Variants in TCP11L2 observed in about 807,000 individuals in gnomAD.
TCP11L2 encodes t-complex 11 like 2, also known as T-complex protein 11-like protein 2.
Under a neutral mutation model 50.7 loss-of-function variants are expected in TCP11L2, and 39 were observed. The ratio of observed to expected loss-of-function variants is 0.77; its 90% CI spans 0.60 to 1.01. TCP11L2 has a LOEUF of 1.01. Among genes scored for constraint, TCP11L2 ranks in the 50% least tolerant of loss-of-function variants. TCP11L2 has a pLI of 0.00. For missense variants in TCP11L2, 612 were observed against 614.7 expected, an observed-to-expected ratio of 1.00 and a Z score of 0.05; for synonymous variants, 192 against 219.3, an observed-to-expected ratio of 0.88 and a Z score of 1.10.
Position 106,335,665 on chromosome 12 carries a change from A to T in TCP11L2, c.799A>T (p.Ile267Leu). Reference sequence around the variant, plus strand: ...TGCTCTTGATCAGACTACAGAATGGATAAAAGAATCTGTAAATGAAGAATT... The same window carrying T: ...TGCTCTTGATCAGACTACAGAATGGTTAAAAGAATCTGTAAATGAAGAATT... ...PSALDQTTEWIKESVNEELFS... is the reference protein window; with the variant it reads ...PSALDQTTEWLKESVNEELFS... Residue 267 changes from isoleucine to leucine, a missense_variant, in exon 7 of 10, where the codon ATA becomes TTA. Physicochemically the swap from Ile to Leu is conservative, Grantham distance 5. Transcript: ENST00000299045. The T allele has an allele frequency of 6.2e-7, 1 of 1,614,220 alleles. No homozygotes were observed. The highest frequency in any genetic ancestry group is 8.5e-7 in the Non-Finnish European group (1 of 1,180,040).
Position 106,341,014 on chromosome 12 carries a change from G to A in TCP11L2, c.1315+16G>A, listed in dbSNP as rs369341268. The A allele has an allele frequency of 5.1e-6, 8 of 1,583,884 alleles. No homozygotes were observed. The African/African-American group carries it at 1.1e-4, about 22-fold the overall frequency. On this transcript the variant is annotated intron_variant, in intron 9 of 9. Transcript: ENST00000299045. ...TCCTTGATTGGTGAGTCCTTTTATT[G>A]ATTTCTGCTTCAATTCCAATTTGCT...
At chr12:106,333,778 A>C (rs770248099) in intron 6 of TCP11L2, among the ~76,000 whole-genome samples, 2 of 152,228 alleles carry the variant, frequency 1.3e-5, no homozygotes, top group Non-Finnish European at 2.9e-5. Flanking sequence ...AAGACTGTAC[A>C]TATAACAGGT....
intron 6 of TCP11L2, among the ~76,000 whole-genome samples, chr12:106,334,969 T>A (rs566706188): frequency 2.0e-5 from 3 of 151,876 alleles, no homozygotes; most frequent in Non-Finnish European, 4.4e-5. Flanking sequence ...GAAAATAATA[T>A]TATTCAAAAC....
rs556538568 is a variant in TCP11L2 at position 106,328,783 on chromosome 12, G to A, written c.772+5137G>A. 6.1e-4 allele frequency among the ~76,000 whole-genome samples: 93 copies of A among 152,276 alleles called. 1 individual carries two copies. Among genetic ancestry groups the A allele is most frequent in the African/African-American group, 2.1e-3 (89 of 41,544 alleles). ...GCAGAATCAAAGGAAAAGCCAAAAT[G>A]TCAGAAATCAGAAGAATGTCACAAA... is the stretch of plus-strand genomic sequence containing the variant. On this transcript the variant is annotated intron_variant, in intron 6 of 9. Transcript: ENST00000299045.
At chr12:106,334,269 CA>C (rs2035837779) in intron 6 of TCP11L2, among the ~76,000 whole-genome samples, 1 of 152,148 alleles carries the variant, frequency 6.6e-6, no homozygotes, top group African/African-American at 2.4e-5. Context: ...GTAGGAAGGA[CA>C]TGTTTGTTGG....
chr12:106,312,385 G>C, intron 2 of TCP11L2: 1 of 1,237,498 alleles, frequency 8.1e-7, no homozygotes, highest in Non-Finnish European at 1.0e-6. Flanking sequence ...CATTTTTAAG[G>C]AGAATCTTGA....
At chr12:106,330,298 A>G in intron 6 of TCP11L2, 1 of 985,368 alleles carries the variant, frequency 1.0e-6, no homozygotes, top group Non-Finnish European at 1.2e-6. Context: ...ACTTAGAGCA[A>G]AAGTAAATAA....
At chr12:106,338,599 G>A (rs142425116) in intron 8 of TCP11L2, among the ~76,000 whole-genome samples, 2 of 152,296 alleles carry the variant, frequency 1.3e-5, no homozygotes, top group African/African-American at 2.4e-5. Context: ...TGTCTTTGCT[G>A]TTGTGAATAG....
At chr12:106,335,989 T>G (rs2035905317) in intron 7 of TCP11L2, 43 bp from the exon 8 acceptor site, 1 of 1,527,218 alleles carries the variant, frequency 6.5e-7, no homozygotes, top group Non-Finnish European at 8.8e-7. Flanking sequence ...TTCATGCTAT[T>G]GAGCTACCCT....
Position 106,329,828 on chromosome 12 carries a change from C to G in TCP11L2, c.773-5811C>G, listed in dbSNP as rs145767198. On this transcript the variant is annotated intron_variant, in intron 6 of 9. Transcript: ENST00000299045. ...TGGATGTCTTTTAAATGAAAGACTG[C>G]AAGTCTTTTACATCTTTATAAAACA... 2.0e-3 allele frequency: 2,004 copies of G among 986,940 alleles called. 34 individuals carry two copies. The African/African-American group carries it at 0.032, about 16-fold the overall frequency. 61.1% of individuals were successfully genotyped at this position (986,940 alleles called of 1,614,324 possible).
chr12:106,328,634 C>G (rs1480557699), intron 6 of TCP11L2, among the ~76,000 whole-genome samples: 2 of 152,212 alleles, frequency 1.3e-5, no homozygotes, highest in Non-Finnish European at 2.9e-5. Flanking sequence ...CAAGCTGCTA[C>G]TTTTTCAGCC....
intron 3 of TCP11L2, 99 bp downstream of exon 3, chr12:106,314,592 A>T: frequency 9.7e-7 from 1 of 1,031,534 alleles, no homozygotes; most frequent in Non-Finnish European, 1.4e-6. Context: ...AGAGAGAGAG[A>T]GAGAGAGAGA....
intron 6 of TCP11L2, among the ~76,000 whole-genome samples, chr12:106,328,521 G>A (rs1052735369): frequency 2.6e-5 from 4 of 152,218 alleles, no homozygotes; most frequent in Non-Finnish European, 5.9e-5. Context: ...TCCAGCCTGG[G>A]CGACAGAGCA....
At chr12:106,312,554 C>A in intron 2 of TCP11L2, 1 of 441,860 alleles carries the variant, frequency 2.3e-6, no homozygotes, top group Non-Finnish European at 3.1e-6. Flanking sequence ...TCTCTTCTTC[C>A]TCCTCTTTCC....
At position 106,329,830 on chromosome 12, in the gene TCP11L2, A is replaced by G. The variant is rs1352796718; in HGVS notation, c.773-5809A>G. On this transcript the variant is annotated intron_variant, in intron 6 of 9. Transcript: ENST00000299045. ...GATGTCTTTTAAATGAAAGACTGCAAGTCTTTTACATCTTTATAAAACAGA... is the reference window on the plus strand; with the variant it reads ...GATGTCTTTTAAATGAAAGACTGCAGGTCTTTTACATCTTTATAAAACAGA... 2.1e-5 allele frequency: 21 copies of G among 986,862 alleles called. 1 individual carries two copies. Among genetic ancestry groups the G allele is most frequent in the African/African-American group, 1.9e-4 (11 of 57,274 alleles). 61.1% of individuals were successfully genotyped at this position (986,862 alleles called of 1,614,324 possible).
In TCP11L2 at chr12:106,319,579, C is replaced by T. The variant is rs568206508; in HGVS notation, c.414+1115C>T. Among the ~76,000 whole-genome samples the T allele has an allele frequency of 7.9e-5, 12 of 152,268 alleles. No homozygotes were observed. In the South Asian group the frequency reaches 2.5e-3, roughly 32 times the overall value. On this transcript the variant is annotated intron_variant, in intron 4 of 9. Coordinates refer to ENST00000299045, the MANE Select transcript of TCP11L2 (RefSeq NM_152772.3). ...GGGTTCTCTCTTTAAGTCTCTCTTT[C>T]CTGAGTACTTACAGGGTAGTCATAA...
rs541077761 is a variant in TCP11L2 at position 106,321,883 on chromosome 12, A to G, written c.635+177A>G. Among the ~76,000 whole-genome samples, 4 of 152,356 alleles carry G rather than the reference A, an allele frequency of 2.6e-5. No individual in the cohort carries two copies. In the East Asian group the frequency reaches 7.7e-4, roughly 29 times the overall value. On this transcript the variant is annotated intron_variant, in intron 5 of 9. Coordinates refer to ENST00000299045, the MANE Select transcript of TCP11L2 (RefSeq NM_152772.3). ...TTTACTGTATGCAGAGAGTTTTCAC[A>G]TAGAATGATCTGACAAGGTTGTTAG...
intron 8 of TCP11L2, among the ~76,000 whole-genome samples, chr12:106,339,522 TG>T (rs1469138375): frequency 6.6e-6 from 1 of 152,238 alleles, no homozygotes; most frequent in Non-Finnish European, 1.5e-5. Flanking sequence ...CATTTGCTTT[TG>T]GGTAATTCAT....
chr12:106,326,781 A>T (rs899393651), intron 6 of TCP11L2, among the ~76,000 whole-genome samples: 1 of 152,260 alleles, frequency 6.6e-6, no homozygotes, highest in Middle Eastern at 3.4e-3. Context: ...ACTGTGGGGG[A>T]TATTGCAGAG....
Sources: gnomAD v4.1 joint callset for allele counts (sites outside exome capture counted in the v4.1 genomes callset) on GRCh38, gnomAD v4.1.1 for gene constraint, MANE v1.5 for transcripts, NCBI Gene and HGNC (gene_info 2026-07-23, HGNC 2026-07-21) for gene names.